The following RBFOX1 variants were observed in gnomAD, a reference collection of about 807,000 sequenced individuals.
RBFOX1 encodes RNA binding fox-1 homolog 1, also known as RNA binding protein fox-1 homolog 1.
A neutral mutation model predicts 57.7 loss-of-function variants in RBFOX1; 8 were observed. The observed-to-expected ratio is 0.14, with a 90% confidence interval of 0.08 to 0.25. The LOEUF is 0.25. Ranked by LOEUF, RBFOX1 falls within the 10% of genes least tolerant of loss-of-function variation. The pLI, the probability that RBFOX1 is intolerant of heterozygous loss-of-function variation, is 1.00. For synonymous variants in RBFOX1, 326 were observed against 222.4 expected (o/e 1.47, Z -4.15); for missense variants, 611 against 548.5 (o/e 1.11, Z -1.14).
rs2057026962 is a variant in RBFOX1, at chr16:5,856,171, CTCTCTCTCTCTCTCTCTATA to C, written c.319-11130_319-11111del. On this transcript the variant is annotated intron_variant, in intron 3 of 19. Coordinates refer to the RBFOX1 transcript ENST00000641259. ...TATGGTTCTCTCTCTCTCTCTCTCT[CTCTCTCTCTCTCTCTCTATA>C]TATATATATATATATACATATATAT... Among the ~76,000 whole-genome samples the C allele has an allele frequency of 1.5e-4, 9 of 58,138 alleles. No homozygotes were observed. The South Asian group carries it at 5.6e-3, about 36-fold the overall frequency. The allele number at this position is 58,138 out of a possible 152,430, so 38.1% of individuals were successfully genotyped here.
At chr16:7,054,296 G>GTGGC (rs71147644) in intron 4 of RBFOX1, among the ~76,000 whole-genome samples, 67,100 of 127,662 alleles carry the variant, frequency 0.53, 19,361 homozygotes, top group South Asian at 0.74. Context: ...CTGGAGTGCC[G>GTGGC]TGGCGCAATC....
At chr16:5,483,241 GA>G (rs2069608143) in intron 2 of RBFOX1, among the ~76,000 whole-genome samples, 1 of 152,182 alleles carries the variant, frequency 6.6e-6, no homozygotes, top group South Asian at 2.1e-4. Context: ...TGCAGTTCTA[GA>G]AGCACCAGTA....
chr16:6,913,893 G>A (rs1166349768), intron 3 of RBFOX1, among the ~76,000 whole-genome samples: 1 of 152,154 alleles, frequency 6.6e-6, no homozygotes, highest in Non-Finnish European at 1.5e-5. Context: ...AGTCTCAACT[G>A]TGTAACTTTT....
At chr16:7,224,258 T>C (rs1236026003) in intron 4 of RBFOX1, among the ~76,000 whole-genome samples, 1 of 150,370 alleles carries the variant, frequency 6.7e-6, no homozygotes, top group African/African-American at 2.4e-5. Context: ...CTTTTAGTCA[T>C]CGTACAAGCC....
intron 4 of RBFOX1, among the ~76,000 whole-genome samples, chr16:7,367,603 A>G (rs929657735): frequency 4.6e-5 from 7 of 152,196 alleles, no homozygotes; most frequent in African/African-American, 1.4e-4. Flanking sequence ...CTCTAACTCC[A>G]GACTCTGATG....
intron 3 of RBFOX1, among the ~76,000 whole-genome samples, chr16:5,734,304 A>T (rs6500716): frequency 0.48 from 72,863 of 151,600 alleles, 20,003 homozygotes; most frequent in African/African-American, 0.75. Context: ...TACACAAAAT[A>T]GGAATTTTTT....
At chr16:6,242,992 G>A (rs1221062500) in intron 1 of RBFOX1, among the ~76,000 whole-genome samples, 3 of 152,120 alleles carry the variant, frequency 2.0e-5, no homozygotes, top group Non-Finnish European at 2.9e-5. Flanking sequence ...GAAAAAGCCA[G>A]GTACATTACT....
At chr16:5,738,761 G>T (rs1413137694) in intron 3 of RBFOX1, among the ~76,000 whole-genome samples, 2 of 152,078 alleles carry the variant, frequency 1.3e-5, no homozygotes, top group Non-Finnish European at 2.9e-5. Context: ...TGCACAGCAT[G>T]TGAATCAGGA....
chr16:6,920,045 C>T (rs12149812), intron 3 of RBFOX1, among the ~76,000 whole-genome samples: 25,627 of 151,946 alleles, frequency 0.17, 2,298 homozygotes, highest in Non-Finnish European at 0.21. Flanking sequence ...TTTGTTTTTC[C>T]GTTCCTGAGT....
intron 3 of RBFOX1, among the ~76,000 whole-genome samples, chr16:5,760,478 C>A (rs895867004): frequency 1.3e-5 from 2 of 152,234 alleles, no homozygotes; most frequent in Non-Finnish European, 2.9e-5. Context: ...CAGCATTCCT[C>A]ACAATAATAA....
chr16:6,582,020 AAGCCAGGGGTGC>A (rs2097543413), intron 2 of RBFOX1, among the ~76,000 whole-genome samples: 1 of 152,172 alleles, frequency 6.6e-6, no homozygotes, highest in East Asian at 1.9e-4. Flanking sequence ...CTAGTGGGAA[AAGCCAGGGGTGC>A]TGTACTGCTG....
chr16:6,927,892 G>A (rs940461794), intron 3 of RBFOX1, among the ~76,000 whole-genome samples: 6 of 152,140 alleles, frequency 3.9e-5, no homozygotes, highest in African/African-American at 1.2e-4. Flanking sequence ...AATAGCATAC[G>A]CTAAACATCA....
intron 4 of RBFOX1, among the ~76,000 whole-genome samples, chr16:7,159,748 TC>T (rs969283440): frequency 6.6e-6 from 1 of 152,182 alleles, no homozygotes; most frequent in African/African-American, 2.4e-5. Flanking sequence ...CCCAGAAATT[TC>T]TGTCTTTCCT....
At chr16:6,293,439 G>A (rs2077683602) in intron 1 of RBFOX1, among the ~76,000 whole-genome samples, 1 of 90,008 alleles carries the variant, frequency 1.1e-5, no homozygotes, top group Admixed American at 1.3e-4. Flanking sequence ...TTTCTGTTTT[G>A]AATATTTGTT....
intron 3 of RBFOX1, among the ~76,000 whole-genome samples, chr16:6,953,765 A>C (rs1355629036): frequency 1.3e-5 from 2 of 152,184 alleles, no homozygotes; most frequent in Non-Finnish European, 1.5e-5. Context: ...GGTGCATTTC[A>C]TAGGCTTGTC....
At chr16:5,970,473 C>T (rs1350490530) in intron 4 of RBFOX1, among the ~76,000 whole-genome samples, 1 of 152,140 alleles carries the variant, frequency 6.6e-6, no homozygotes, top group Admixed American at 6.5e-5. Context: ...TTCTGCTACA[C>T]ATAAGGAACA....
At chr16:6,940,794 G>A (rs1385127726) in intron 3 of RBFOX1, among the ~76,000 whole-genome samples, 3 of 148,336 alleles carry the variant, frequency 2.0e-5, no homozygotes, top group South Asian at 2.3e-4. Context: ...GTGTGTGTGT[G>A]TGTGTGTGTG....
At chr16:7,636,521 G>A (rs2061785405) in intron 11 of RBFOX1, among the ~76,000 whole-genome samples, 2 of 152,168 alleles carry the variant, frequency 1.3e-5, no homozygotes. Flanking sequence ...GATTGATGTT[G>A]CTCAGATTCC....
At chr16:6,268,850 A>C (rs2074865155) in intron 1 of RBFOX1, among the ~76,000 whole-genome samples, 1 of 152,198 alleles carries the variant, frequency 6.6e-6, no homozygotes, top group African/African-American at 2.4e-5. Flanking sequence ...AAAATGCCTA[A>C]ACAGAAGTGC....
Sources: gnomAD v4.1 joint callset for allele counts (sites outside exome capture counted in the v4.1 genomes callset) on GRCh38, gnomAD v4.1.1 for gene constraint, MANE v1.5 for transcripts, NCBI Gene and HGNC (gene_info 2026-07-23, HGNC 2026-07-21) for gene names.